The following POSTN variants were observed in gnomAD, a reference collection of about 807,000 sequenced individuals.
POSTN encodes the protein periostin.
Under a neutral mutation model 104.5 loss-of-function variants are expected in POSTN, and 71 were observed. The ratio of observed to expected loss-of-function variants is 0.68; its 90% CI spans 0.56 to 0.83. The LOEUF is 0.83. POSTN is among the 40% of genes least tolerant of loss of function. POSTN has a pLI of 0.00. For missense variants in POSTN, 949 were observed against 1,006.8 expected (o/e 0.94, Z 0.78); for synonymous variants, 355 against 340.7 (o/e 1.04, Z -0.46).
chr13:37,568,937 T>C lies in POSTN; in HGVS notation c.2431+363A>G, dbSNP rs1299696044. 3.2e-5 allele frequency: 5 copies of C among 157,628 alleles called. No individual in the cohort carries two copies. The Admixed American group carries it at 3.2e-4, about 10-fold the overall frequency. The allele number at this position is 157,628 out of a possible 1,614,324, so 9.8% of individuals were successfully genotyped here. ...TGATTGCTCTTATGGGGGCAGTGAA[T>C]ATAATTTTTTAAATATAAAAAGTAT... On this transcript the variant is annotated intron_variant, in intron 21 of 22. Coordinates refer to ENST00000379747, the MANE Select transcript of POSTN (RefSeq NM_006475.3).
intron 4 of POSTN, 77 bp downstream of exon 4, chr13:37,590,295 T>A (rs547775334): frequency 8.4e-7 from 1 of 1,188,670 alleles, no homozygotes; most frequent in East Asian, 2.6e-5. Context: ...TCTACTAATA[T>A]CCAAGTTAAT....
At chr13:37,568,199 T>C (rs1485331405) in intron 21 of POSTN, among the ~76,000 whole-genome samples, 1 of 152,072 alleles carries the variant, frequency 6.6e-6, no homozygotes, top group East Asian at 1.9e-4. Flanking sequence ...GGAGGAAACT[T>C]GTATTTTTCA....
At chr13:37,574,736 G>A (rs1401008452) in intron 16 of POSTN, 84 bp from the exon 17 acceptor site, 1 of 1,407,830 alleles carries the variant, frequency 7.1e-7, no homozygotes, top group Non-Finnish European at 9.2e-7. Flanking sequence ...TTTCTTTTTT[G>A]TCTCTGTAGG....
At chr13:37,594,099 A>G (rs1377626873) in intron 2 of POSTN, among the ~76,000 whole-genome samples, 1 of 152,110 alleles carries the variant, frequency 6.6e-6, no homozygotes, top group East Asian at 1.9e-4. Flanking sequence ...GAGCCTCTAA[A>G]TAATTTTATT....
intron 10 of POSTN, among the ~76,000 whole-genome samples, chr13:37,581,987 C>G (rs1396564383): frequency 1.3e-5 from 2 of 152,148 alleles, no homozygotes; most frequent in Non-Finnish European, 2.9e-5. Context: ...TTTATTATTT[C>G]TTATTGCAAA....
chr13:37,593,097 T>C (rs1043685627), intron 2 of POSTN, among the ~76,000 whole-genome samples: 3 of 151,382 alleles, frequency 2.0e-5, no homozygotes, highest in Admixed American at 1.3e-4. Context: ...GAGTTTAGTA[T>C]TCAAGAAAGT....
chr13:37,593,265 C>T (rs1443965391), intron 2 of POSTN, among the ~76,000 whole-genome samples: 2 of 148,932 alleles, frequency 1.3e-5, no homozygotes, highest in African/African-American at 4.9e-5. Context: ...TATATAATTG[C>T]TTACAAAATA....
intron 16 of POSTN, 73 bp downstream of exon 16, chr13:37,577,680 A>C (rs1477661334): frequency 3.2e-6 from 5 of 1,558,168 alleles, no homozygotes; most frequent in Non-Finnish European, 4.3e-6. Context: ...AATCTCTGTA[A>C]ATACAAAGAA....
At chr13:37,597,725 C>T (rs1218260981) in intron 1 of POSTN, among the ~76,000 whole-genome samples, 1 of 152,120 alleles carries the variant, frequency 6.6e-6, no homozygotes, top group Non-Finnish European at 1.5e-5. Flanking sequence ...TTATTATGTA[C>T]ACAGACACTA....
rs1949970730 is a variant in POSTN at position 37,562,833 on chromosome 13, G to A, written c.*500C>T. 1.3e-5 allele frequency: 2 copies of A among 152,148 alleles called. No homozygotes were observed. Among genetic ancestry groups the A allele is most frequent in the Admixed American group, 6.5e-5 (1 of 15,278 alleles). The allele number at this position is 152,148 out of a possible 1,614,324, so 9.4% of individuals were successfully genotyped here. On this transcript the variant is annotated 3_prime_UTR_variant, in exon 23 of 23. Transcript: ENST00000379747. The stretch of plus-strand genomic sequence containing the variant: ...TTGTAAAAAATAACATAATTTACCA[G>A]TAAACCCACTCATATAGAAATGTGC...
Position 37,569,330 on chromosome 13 carries a change from C to T in POSTN, c.2401G>A (p.Asp801Asn). 1 of 1,612,674 alleles carries T rather than the reference C, an allele frequency of 6.2e-7. No individual in the cohort carries two copies. The highest frequency in any genetic ancestry group is 8.5e-7 in the Non-Finnish European group (1 of 1,179,018). ...IEGGDGHLFE[D>N]EEIKRLLQGD... ...TGAAGCAGTCTTTTAATTTCTTCAT[C>T]TTCAAATAAATGACCATCACCACCT... is the stretch of plus-strand genomic sequence containing the variant. The change falls in exon 21 of 23, where the codon GAT (aspartate) becomes AAT (asparagine). Residue 801 changes from aspartate (D) to asparagine (N), a missense_variant. Asp to Asn is a conservative substitution (Grantham distance 23, BLOSUM62 1). Transcript: ENST00000379747.
intron 17 of POSTN, among the ~76,000 whole-genome samples, chr13:37,572,222 A>C (rs1241277937): frequency 6.6e-6 from 1 of 151,726 alleles, no homozygotes; most frequent in East Asian, 1.9e-4. Flanking sequence ...AGTACATTTA[A>C]CTCATACTGT....
chr13:37,586,365 A>G (rs896871819), intron 6 of POSTN, 85 bp from the exon 7 acceptor site: 45 of 1,379,664 alleles, frequency 3.3e-5, no homozygotes, highest in Non-Finnish European at 4.4e-5. Context: ...GCTGACATGA[A>G]GGAGCTGATT....
chr13:37,580,789 C>T, intron 10 of POSTN, 92 bp from the exon 11 acceptor site: 2 of 1,530,930 alleles, frequency 1.3e-6, no homozygotes, highest in Non-Finnish European at 1.8e-6. Context: ...CCGGATCGGC[C>T]CTTCTGAGAG....
chr13:37,569,411 A>C (rs1181579426), intron 20 of POSTN, 28 bp from the exon 21 acceptor site: 1 of 1,534,768 alleles, frequency 6.5e-7, no homozygotes. Context: ...TATAGCAGAA[A>C]TTGGTTTATA....
chr13:37,593,162 G>A (rs1391247110), intron 2 of POSTN, among the ~76,000 whole-genome samples: 1 of 150,814 alleles, frequency 6.6e-6, no homozygotes, highest in African/African-American at 2.4e-5. Context: ...AATAATTAAG[G>A]TAACAGACCA....
chr13:37,572,861 C>T (rs9532085), intron 17 of POSTN, among the ~76,000 whole-genome samples: 107,326 of 151,402 alleles, frequency 0.71, 38,467 homozygotes, highest in East Asian at 0.84. Flanking sequence ...AGTAGCAATC[C>T]TGGAAGCTGG....
At chr13:37,585,169 A>G (rs1593349049) in intron 7 of POSTN, among the ~76,000 whole-genome samples, 1 of 152,220 alleles carries the variant, frequency 6.6e-6, no homozygotes, top group Non-Finnish European at 1.5e-5. Context: ...TGATTGGTGC[A>G]GTATTAGAAA....
intron 3 of POSTN, 79 bp from the exon 4 acceptor site, chr13:37,590,608 G>C: frequency 8.2e-7 from 1 of 1,217,646 alleles, no homozygotes; most frequent in South Asian, 2.4e-5. Flanking sequence ...ACTTTATGCT[G>C]TGTTTCCCAA....
Sources: gnomAD v4.1 joint callset for allele counts (sites outside exome capture counted in the v4.1 genomes callset) on GRCh38, gnomAD v4.1.1 for gene constraint, MANE v1.5 for transcripts, NCBI Gene and HGNC (gene_info 2026-07-23, HGNC 2026-07-21) for gene names.